The following AGBL1 variants were observed in gnomAD, a reference collection of about 807,000 sequenced individuals.
AGBL1 encodes AGBL carboxypeptidase 1.
AGBL1 carries 130 observed loss-of-function variants against 118.9 expected under a neutral mutation model. The observed-to-expected ratio is 1.09, with a 90% CI of 0.95 to 1.26. AGBL1 has a LOEUF of 1.26. Among genes scored for constraint, AGBL1 ranks in the 50% most tolerant of loss-of-function variants. AGBL1 has a pLI of 0.00. For missense variants in AGBL1, 1,584 were observed against 1,298.1 expected, an observed-to-expected ratio of 1.22 and a Z score of -3.38; for synonymous variants, 555 against 478.9, an observed-to-expected ratio of 1.16 and a Z score of -2.08.
In AGBL1 at chr15:86,365,048, C is replaced by CAT. The variant is rs1174072697; in HGVS notation, c.2375-32310_2375-32309dup. ...ATATACACACACATATATATACACACATATATATACACATATATATATACA... is the reference window on the plus strand; with the variant it reads ...ATATACACACACATATATATACACACATATATATATACACATATATATATACA... On this transcript the variant is annotated intron_variant, in intron 17 of 22. Transcript: ENST00000614907. 4.7e-5 allele frequency among the ~76,000 whole-genome samples: 6 copies of CAT among 127,152 alleles called. 2 individuals carry two copies. Among genetic ancestry groups the CAT allele is most frequent in the Middle Eastern group, 4.0e-3 (1 of 252 alleles). The allele number at this position is 127,152 out of a possible 152,430, so 83.4% of individuals were successfully genotyped here.
intron 18 of AGBL1, among the ~76,000 whole-genome samples, chr15:86,478,386 T>A (rs1187012472): frequency 6.6e-6 from 1 of 152,204 alleles, no homozygotes; most frequent in Non-Finnish European, 1.5e-5. Flanking sequence ...CAGCAAAGTC[T>A]CAGGATACAA....
chr15:86,389,311 C>T (rs776219177), intron 17 of AGBL1, among the ~76,000 whole-genome samples: 3 of 151,840 alleles, frequency 2.0e-5, no homozygotes, highest in Non-Finnish European at 2.9e-5. Flanking sequence ...TTCCAGGTAC[C>T]TAAAGACTGT....
rs1390861 is a variant in AGBL1 at position 86,317,941 on chromosome 15, A to C, written c.2374+22533A>C. On this transcript the variant is annotated intron_variant, in intron 17 of 22. Transcript: ENST00000614907. Reference sequence around the variant, plus strand: ...TGATAGTTGTATGGACACCAGATGCACTCCTGAGACTTCTGGACCAAGTAT... The same window carrying C: ...TGATAGTTGTATGGACACCAGATGCCCTCCTGAGACTTCTGGACCAAGTAT... Among the ~76,000 whole-genome samples, 636 of 152,306 alleles carry C rather than the reference A, an allele frequency of 4.2e-3. 6 individuals carry two copies. Among genetic ancestry groups the C allele is most frequent in the African/African-American group, 0.014 (594 of 41,564 alleles).
intron 5 of AGBL1, among the ~76,000 whole-genome samples, chr15:86,195,927 T>G (rs2077794483): frequency 6.6e-6 from 1 of 152,198 alleles, no homozygotes; most frequent in Non-Finnish European, 1.5e-5. Context: ...TCAACAACTA[T>G]TCTCTTTTGT....
intron 18 of AGBL1, among the ~76,000 whole-genome samples, chr15:86,522,091 G>A (rs2083196499): frequency 6.6e-6 from 1 of 152,122 alleles, no homozygotes; most frequent in South Asian, 2.1e-4. Context: ...TTCACTACCA[G>A]CTAGGTCACT....
At chr15:86,889,840 G>T (rs531254706) in intron 22 of AGBL1, among the ~76,000 whole-genome samples, 5 of 152,298 alleles carry the variant, frequency 3.3e-5, no homozygotes, top group Admixed American at 2.0e-4. Flanking sequence ...ATTGCGAATA[G>T]TGCTGCAATG....
chr15:86,524,543 G>A (rs1318985683), intron 19 of AGBL1, among the ~76,000 whole-genome samples: 1 of 152,138 alleles, frequency 6.6e-6, no homozygotes, highest in Admixed American at 6.5e-5. Flanking sequence ...CAGGGTTTTT[G>A]TTGGGGGGTC....
intron 15 of AGBL1, among the ~76,000 whole-genome samples, chr15:86,274,747 A>G (rs1333171167): frequency 6.6e-6 from 1 of 152,214 alleles, no homozygotes; most frequent in Non-Finnish European, 1.5e-5. Flanking sequence ...AGTTTGTTTT[A>G]TAATTACCCA....
downstream of AGBL1, among the ~76,000 whole-genome samples, chr15:86,919,345 A>C (rs1596634640): frequency 6.6e-6 from 1 of 152,162 alleles, no homozygotes; most frequent in East Asian, 1.9e-4. Flanking sequence ...GATATTCCCG[A>C]AAGACAGCCT....
intron 22 of AGBL1, among the ~76,000 whole-genome samples, chr15:86,802,162 C>A (rs546712793): frequency 2.0e-5 from 3 of 152,128 alleles, no homozygotes; most frequent in East Asian, 1.9e-4. Context: ...AAACAGTGGG[C>A]AGCATTTTAT....
intron 22 of AGBL1, among the ~76,000 whole-genome samples, chr15:86,864,242 C>G (rs1300313941): frequency 6.6e-6 from 1 of 151,954 alleles, no homozygotes. Flanking sequence ...GAGCCTATGG[C>G]TGTGAGTTGT....
intron 1 of AGBL1, chr15:86,116,658 T>A (rs1008665090): frequency 6.6e-6 from 1 of 152,270 alleles, no homozygotes; most frequent in Admixed American, 6.5e-5. Flanking sequence ...CTTCACACTA[T>A]GGGACTTACA....
chr15:86,869,977 C>T (rs756907095), intron 22 of AGBL1, among the ~76,000 whole-genome samples: 11 of 152,266 alleles, frequency 7.2e-5, no homozygotes, highest in East Asian at 3.9e-4. Context: ...ATCCATTGCC[C>T]GCAAGTTTCC....
chr15:86,318,705 T>G (rs986923686), intron 17 of AGBL1, among the ~76,000 whole-genome samples: 1 of 142,724 alleles, frequency 7.0e-6, no homozygotes, highest in Non-Finnish European at 1.5e-5. Flanking sequence ...GATTTTTTTT[T>G]TTTTTTTTTT....
chr15:86,122,861 A>G (rs1898169276), intron 1 of AGBL1, among the ~76,000 whole-genome samples: 1 of 152,238 alleles, frequency 6.6e-6, no homozygotes, highest in Admixed American at 6.5e-5. Context: ...ATTCAGGCAC[A>G]GCTGACCAGC....
At chr15:86,427,529 T>C (rs2081881582) in intron 18 of AGBL1, among the ~76,000 whole-genome samples, 1 of 151,112 alleles carries the variant, frequency 6.6e-6, no homozygotes, top group Non-Finnish European at 1.5e-5. Flanking sequence ...CATGATAAAA[T>C]ACATTCTTCA....
At chr15:86,774,076 C>G (rs945675030) in intron 22 of AGBL1, among the ~76,000 whole-genome samples, 3 of 152,040 alleles carry the variant, frequency 2.0e-5, no homozygotes, top group African/African-American at 7.2e-5. Flanking sequence ...TGCCTAGCAA[C>G]AGTAACCAAG....
chr15:86,427,759 C>A (rs2081884960), intron 18 of AGBL1, among the ~76,000 whole-genome samples: 2 of 152,168 alleles, frequency 1.3e-5, no homozygotes, highest in Non-Finnish European at 2.9e-5. Flanking sequence ...AGAGTCACTA[C>A]TTATTTGACT....
rs149566642 is a variant in AGBL1, at chr15:86,541,175, A to G, written c.2686-4827A>G. ...GGAAAATTAGTGATAGTAGAGGATT[A>G]AACCTCAAACAATTATTTTATTTGT... On this transcript the variant is annotated intron_variant, in intron 19 of 22. Transcript: ENST00000614907. Among the ~76,000 whole-genome samples the G allele has an allele frequency of 2.6e-5, 4 of 152,338 alleles. No homozygotes were observed. The East Asian group carries it at 7.7e-4, about 29-fold the overall frequency.
Sources: gnomAD v4.1 joint callset for allele counts (sites outside exome capture counted in the v4.1 genomes callset) on GRCh38, gnomAD v4.1.1 for gene constraint, MANE v1.5 for transcripts, NCBI Gene and HGNC (gene_info 2026-07-23, HGNC 2026-07-21) for gene names.